The following PDE3A variants were observed in gnomAD, a reference collection of about 807,000 sequenced individuals.
PDE3A encodes the protein phosphodiesterase 3A.
PDE3A carries 43 observed loss-of-function variants against 98.3 expected under a neutral mutation model. The observed-to-expected ratio is 0.44, with a 90% CI of 0.34 to 0.56. PDE3A has a LOEUF of 0.56. PDE3A is among the 20% of genes least tolerant of loss of function. The pLI is 0.01. For synonymous variants in PDE3A, 663 were observed against 567.9 expected (o/e 1.17, Z -2.38); for missense variants, 1,427 against 1,440.7 (o/e 0.99, Z 0.15).
intron 2 of PDE3A, among the ~76,000 whole-genome samples, chr12:20,594,994 A>T (rs1438184223): frequency 6.6e-6 from 1 of 151,512 alleles, no homozygotes; most frequent in Non-Finnish European, 1.5e-5. Flanking sequence ...TACAGTTGGT[A>T]AAAAAAAATT....
intron 1 of PDE3A, among the ~76,000 whole-genome samples, chr12:20,512,847 G>T (rs1946252321): frequency 6.6e-6 from 1 of 152,046 alleles, no homozygotes; most frequent in African/African-American, 2.4e-5. Flanking sequence ...AAGACTCAAT[G>T]TAAAGCATAT....
intron 9 of PDE3A, among the ~76,000 whole-genome samples, 183 bp downstream of exon 9, chr12:20,637,420 T>A (rs1174893512): frequency 6.7e-6 from 1 of 148,480 alleles, no homozygotes; most frequent in African/African-American, 2.4e-5. Flanking sequence ...TTCAAGTGAG[T>A]CGAGTGTCAT....
At chr12:20,609,055 A>G (rs562401007) in intron 2 of PDE3A, among the ~76,000 whole-genome samples, 1 of 152,184 alleles carries the variant, frequency 6.6e-6, no homozygotes, top group African/African-American at 2.4e-5. Context: ...GCACTTTAAA[A>G]TACTTATTTC....
rs180671691 is a variant in PDE3A, at chr12:20,451,360, G to A, written c.960+81116G>A. ...GCCATCTCAGCTCACTGCAACCTCC[G>A]CCTCCTGGGTACAAGCAATTCTCCT... On this transcript the variant is annotated intron_variant, in intron 1 of 15. Coordinates refer to ENST00000359062, the MANE Select transcript of PDE3A (RefSeq NM_000921.5). Among the ~76,000 whole-genome samples, 18 of 152,136 alleles carry A rather than the reference G, an allele frequency of 1.2e-4. No individual in the cohort carries two copies. The East Asian group carries it at 2.1e-3, about 18-fold the overall frequency.
Position 20,646,773 on chromosome 12 carries a change from T to C in PDE3A, c.2388T>C (p.His796=). 1 of 1,602,950 alleles carries C rather than the reference T, an allele frequency of 6.2e-7. No homozygotes were observed. The highest frequency in any genetic ancestry group is 8.5e-7 in the Non-Finnish European group (1 of 1,169,882). ...SDSDSDSGFT[H]GHMGYVFSKT... is the part of the protein sequence containing the mutation. Reference sequence around the variant, plus strand: ...CAGATTCTGACAGTGGATTTACACATGGACATATGGGATATGTATTCTCAA... The same window carrying C: ...CAGATTCTGACAGTGGATTTACACACGGACATATGGGATATGTATTCTCAA... The change falls in exon 12 of 16, where the codon CAT becomes CAC. Residue 796 remains histidine, a synonymous_variant. Transcript: ENST00000359062.
intron 1 of PDE3A, among the ~76,000 whole-genome samples, chr12:20,399,324 A>T (rs955189586): frequency 1.3e-5 from 2 of 152,176 alleles, no homozygotes; most frequent in Non-Finnish European, 2.9e-5. Context: ...AAAAGTGGCA[A>T]TAATGTGAAC....
At chr12:20,519,986 G>A (rs1451286223) in intron 1 of PDE3A, among the ~76,000 whole-genome samples, 1 of 152,148 alleles carries the variant, frequency 6.6e-6, no homozygotes, top group Non-Finnish European at 1.5e-5. Flanking sequence ...CAATGATGAT[G>A]CAGCTGATTC....
At chr12:20,406,440 C>G (rs535295821) in intron 1 of PDE3A, among the ~76,000 whole-genome samples, 1 of 152,278 alleles carries the variant, frequency 6.6e-6, no homozygotes, top group South Asian at 2.1e-4. Flanking sequence ...GAGGGAATAT[C>G]TCATTATGAT....
Position 20,390,157 on chromosome 12 carries a change from T to A in PDE3A, c.960+19913T>A, listed in dbSNP as rs576623168. Reference sequence around the variant, plus strand: ...TTTGTGCTGAGGAGTAGAGGTGGGATGCTGGGAAATTTTAAGAGGTAAGAT... The same window carrying A: ...TTTGTGCTGAGGAGTAGAGGTGGGAAGCTGGGAAATTTTAAGAGGTAAGAT... On this transcript the variant is annotated intron_variant, in intron 1 of 15. Coordinates refer to ENST00000359062, the MANE Select transcript of PDE3A (RefSeq NM_000921.5). Among the ~76,000 whole-genome samples, 6 of 151,896 alleles carry A rather than the reference T, an allele frequency of 4.0e-5. No homozygotes were observed. In the South Asian group the frequency reaches 1.2e-3, roughly 32 times the overall value.
intron 2 of PDE3A, 95 bp from the exon 3 acceptor site, chr12:20,613,348 C>A: frequency 8.9e-7 from 1 of 1,118,524 alleles, no homozygotes; most frequent in South Asian, 1.4e-5. Flanking sequence ...AAGAATCAGC[C>A]CAATTCATTT....
chr12:20,418,614 G>A (rs1944461775), intron 1 of PDE3A, among the ~76,000 whole-genome samples: 2 of 152,052 alleles, frequency 1.3e-5, no homozygotes, highest in African/African-American at 4.8e-5. Context: ...TCTGTTTATT[G>A]CCGATTTCTC....
intron 15 of PDE3A, among the ~76,000 whole-genome samples, chr12:20,655,901 AAC>A (rs1565465370): frequency 6.6e-6 from 1 of 152,204 alleles, no homozygotes; most frequent in Non-Finnish European, 1.5e-5. Flanking sequence ...GGGCAGTAGC[AAC>A]AGTGACAGTG....
intron 1 of PDE3A, among the ~76,000 whole-genome samples, chr12:20,436,153 TC>T (rs1457897735): frequency 2.0e-5 from 3 of 152,070 alleles, no homozygotes; most frequent in Non-Finnish European, 2.9e-5. Flanking sequence ...TTTAACAAAA[TC>T]CCCACGTTTA....
At chr12:20,588,953 C>T (rs1442996530) in intron 2 of PDE3A, among the ~76,000 whole-genome samples, 1 of 152,070 alleles carries the variant, frequency 6.6e-6, no homozygotes, top group Non-Finnish European at 1.5e-5. Context: ...GACGGGGTCT[C>T]GCTCTGTCGC....
At chr12:20,547,614 A>G (rs1426784405) in intron 1 of PDE3A, among the ~76,000 whole-genome samples, 2 of 152,080 alleles carry the variant, frequency 1.3e-5, no homozygotes, top group Admixed American at 1.3e-4. Flanking sequence ...ATTACTTTCC[A>G]TCGTTATCCT....
At chr12:20,651,226 T>TG (rs1944908345) in intron 14 of PDE3A, among the ~76,000 whole-genome samples, 2 of 152,000 alleles carry the variant, frequency 1.3e-5, no homozygotes, top group South Asian at 4.1e-4. Context: ...TTACATAAGC[T>TG]GGGGGTGATC....
At chr12:20,551,978 A>T (rs547572880) in intron 1 of PDE3A, 10 of 1,612,628 alleles carry the variant, frequency 6.2e-6, no homozygotes, top group Middle Eastern at 2.0e-4. Flanking sequence ...GCTGGCATCC[A>T]TGGCCGGAGC....
intron 15 of PDE3A, among the ~76,000 whole-genome samples, chr12:20,667,113 A>C (rs1290594285): frequency 1.3e-5 from 2 of 151,950 alleles, no homozygotes; most frequent in African/African-American, 4.8e-5. Flanking sequence ...CCCACTTTTT[A>C]ATAGAATTTT....
chr12:20,418,041 T>C (rs1035109796), intron 1 of PDE3A, among the ~76,000 whole-genome samples: 35 of 152,036 alleles, frequency 2.3e-4, no homozygotes, highest in African/African-American at 8.2e-4. Context: ...TGAGCTATTC[T>C]AGTTTTCCTA....
Sources: allele counts gnomAD v4.1 joint callset (sites outside exome capture counted in the v4.1 genomes callset), GRCh38; gene constraint gnomAD v4.1.1; transcripts MANE v1.5; gene names NCBI Gene and HGNC (gene_info 2026-07-23, HGNC 2026-07-21).